Variants in ADAMTSL3 observed in about 807,000 individuals in gnomAD.
ADAMTSL3 encodes ADAMTS-like protein 3.
A neutral mutation model predicts 201.7 loss-of-function variants in ADAMTSL3; 128 were observed. The observed-to-expected ratio is 0.63, with a 90% CI of 0.55 to 0.73. The LOEUF (loss-of-function observed/expected upper bound fraction) is 0.73, where lower values mean the gene tolerates loss of function less well. ADAMTSL3 is among the 30% of genes least tolerant of loss of function. ADAMTSL3 has a pLI of 0.00. For missense variants in ADAMTSL3, 1,990 were observed against 2,119.6 expected (o/e 0.94, Z 1.20); for synonymous variants, 738 against 748.4 (o/e 0.99, Z 0.23).
At chr15:83,774,024 G>A (rs1032428199) in intron 4 of ADAMTSL3, among the ~76,000 whole-genome samples, 1 of 152,162 alleles carries the variant, frequency 6.6e-6, no homozygotes, top group African/African-American at 2.4e-5. Flanking sequence ...GCAACCCGTC[G>A]ATTAGGAACA....
At chr15:83,879,387 T>C (rs2065233173) in intron 9 of ADAMTSL3, among the ~76,000 whole-genome samples, 1 of 152,138 alleles carries the variant, frequency 6.6e-6, no homozygotes, top group Non-Finnish European at 1.5e-5. Context: ...TACATTTAAG[T>C]CTATAAATTT....
At chr15:83,972,733 A>G (rs1242717204) in intron 20 of ADAMTSL3, among the ~76,000 whole-genome samples, 1 of 152,208 alleles carries the variant, frequency 6.6e-6, no homozygotes, top group African/African-American at 2.4e-5. Context: ...GACAAGAGAC[A>G]GGAATGCATG....
At chr15:83,825,624 T>A (rs574463988) in intron 6 of ADAMTSL3, among the ~76,000 whole-genome samples, 1 of 152,036 alleles carries the variant, frequency 6.6e-6, no homozygotes, top group African/African-American at 2.4e-5. Flanking sequence ...TTCTAAAAAA[T>A]AAAAATATAA....
Position 83,851,593 on chromosome 15 carries a change from T to C in ADAMTSL3, c.728-7173T>C, listed in dbSNP as rs113598381. 7.6e-3 allele frequency among the ~76,000 whole-genome samples: 1,158 copies of C among 152,310 alleles called. 10 individuals are homozygous for C. Among genetic ancestry groups the C allele is most frequent in the African/African-American group, 0.026 (1,072 of 41,566 alleles). On this transcript the variant is annotated intron_variant, in intron 7 of 29. Transcript: ENST00000286744. ...TAATTTATATGTATTTTCAAAACAATTTTTATTACATATATAATATGCTGT... is the reference window on the plus strand; with the variant it reads ...TAATTTATATGTATTTTCAAAACAACTTTTATTACATATATAATATGCTGT...
intron 7 of ADAMTSL3, among the ~76,000 whole-genome samples, chr15:83,848,617 G>C (rs2064549193): frequency 6.6e-6 from 1 of 152,160 alleles, no homozygotes; most frequent in Non-Finnish European, 1.5e-5. Flanking sequence ...AGCATCACTT[G>C]GTCTCATAGT....
chr15:83,719,597 T>C (rs1000511187), intron 3 of ADAMTSL3, among the ~76,000 whole-genome samples: 5 of 152,202 alleles, frequency 3.3e-5, no homozygotes, highest in African/African-American at 1.2e-4. Flanking sequence ...TTAAATGATG[T>C]TTTGTATAGT....
chr15:83,931,737 A>G (rs2066361730), intron 17 of ADAMTSL3, among the ~76,000 whole-genome samples: 1 of 152,212 alleles, frequency 6.6e-6, no homozygotes, highest in Non-Finnish European at 1.5e-5. Flanking sequence ...CTGGGCTAGG[A>G]AAGGAATGGA....
At chr15:83,959,394 A>G (rs756967682) in intron 19 of ADAMTSL3, among the ~76,000 whole-genome samples, 2 of 152,216 alleles carry the variant, frequency 1.3e-5, no homozygotes, top group Non-Finnish European at 2.9e-5. Flanking sequence ...GTGCCAACAG[A>G]GCAAGAATCC....
intron 4 of ADAMTSL3, among the ~76,000 whole-genome samples, chr15:83,798,823 AAC>A (rs1567152085): frequency 3.3e-5 from 5 of 149,850 alleles, no homozygotes; most frequent in Admixed American, 6.6e-5. Flanking sequence ...AAAAAAAAAA[AAC>A]AAAAAAAAAG....
rs1306689053 is a variant in ADAMTSL3, at chr15:83,654,794, G to A, written c.-34+518G>A. ...ACTCGGAAGGCTGGTGCGAGCAGGC[G>A]AGGGTGGCGCAGAGTCCCAGGGCCC... On this transcript the variant is annotated intron_variant, in intron 1 of 29. Transcript: ENST00000286744. This position sits in a 1 kb window ranked among gnomAD's most constrained non-coding sequence, Gnocchi z 5.3. Among the ~76,000 whole-genome samples the A allele has an allele frequency of 6.6e-6, 1 of 152,170 alleles. No individual in the cohort carries two copies. The highest frequency in any genetic ancestry group is 1.5e-5 in the Non-Finnish European group (1 of 68,024).
chr15:83,924,213 C>T (rs1403074043), intron 17 of ADAMTSL3, among the ~76,000 whole-genome samples, 180 bp downstream of exon 17: 1 of 152,256 alleles, frequency 6.6e-6, no homozygotes, highest in Non-Finnish European at 1.5e-5. Context: ...TGCTCAGATG[C>T]AGCCATGTTG....
intron 3 of ADAMTSL3, among the ~76,000 whole-genome samples, chr15:83,713,090 C>T (rs1200554868): frequency 6.6e-6 from 1 of 151,800 alleles, no homozygotes; most frequent in East Asian, 1.9e-4. Context: ...TCAGTGTCAT[C>T]CCTCACCTTC....
At chr15:83,905,621 A>G (rs906385059) in intron 15 of ADAMTSL3, among the ~76,000 whole-genome samples, 1 of 152,230 alleles carries the variant, frequency 6.6e-6, no homozygotes, top group Non-Finnish European at 1.5e-5. Context: ...AAGTGACATA[A>G]TCTCAATTAC....
At chr15:83,955,559 A>G (rs1241135267) in intron 19 of ADAMTSL3, among the ~76,000 whole-genome samples, 1 of 151,990 alleles carries the variant, frequency 6.6e-6, no homozygotes, top group African/African-American at 2.4e-5. Flanking sequence ...GTCTCATCCA[A>G]GGCCCATGGC....
In ADAMTSL3 at chr15:83,913,274, G is replaced by A. The variant is rs774736743; in HGVS notation, c.1883G>A (p.Ser628Asn). Residue 628 changes from serine to asparagine, a missense_variant, in exon 16 of 30, where the codon AGC becomes AAC. Physicochemically the swap from Ser to Asn is conservative, Grantham distance 46. Coordinates refer to ENST00000286744, the MANE Select transcript of ADAMTSL3 (RefSeq NM_207517.3). ...TGCCTCCTGGAAGCATGTGATGAGA[G>A]CCCGGCCTCCCGAGAGCTAGACATC... is the stretch of plus-strand genomic sequence containing the variant. Reference protein sequence around the residue: ...RPCLLEACDESPASRELDIPL... With the variant: ...RPCLLEACDENPASRELDIPL... 1.9e-6 allele frequency: 3 copies of A among 1,614,052 alleles called. No homozygotes were observed. The South Asian group carries it at 3.3e-5, about 18-fold the overall frequency.
At chr15:83,843,209 T>C (rs1265700317) in intron 7 of ADAMTSL3, among the ~76,000 whole-genome samples, 2 of 151,916 alleles carry the variant, frequency 1.3e-5, no homozygotes, top group Admixed American at 6.6e-5. Flanking sequence ...GATGCCTGTT[T>C]AGGACATTCC....
chr15:83,656,989 C>G (rs780244297), intron 2 of ADAMTSL3, among the ~76,000 whole-genome samples: 34 of 152,170 alleles, frequency 2.2e-4, no homozygotes, highest in Admixed American at 4.6e-4. Context: ...ACATCTTCTC[C>G]CCACTATCCC....
At chr15:83,813,635 C>T (rs1481514952) in intron 5 of ADAMTSL3, among the ~76,000 whole-genome samples, 1 of 152,128 alleles carries the variant, frequency 6.6e-6, no homozygotes, top group Admixed American at 6.5e-5. Flanking sequence ...TTCAGTGGCT[C>T]TCCTCAGGTT....
At chr15:83,756,624 A>T (rs541647614) in intron 3 of ADAMTSL3, among the ~76,000 whole-genome samples, 12 of 141,270 alleles carry the variant, frequency 8.5e-5, no homozygotes, top group African/African-American at 2.5e-4. Context: ...CTCATGTCCT[A>T]ACATTTCAAA....
Sources: gnomAD v4.1 joint callset for allele counts (sites outside exome capture counted in the v4.1 genomes callset) on GRCh38, gnomAD v4.1.1 for gene constraint, Gnocchi (gnomAD v3.1) non-coding constraint, MANE v1.5 for transcripts, NCBI Gene and HGNC (gene_info 2026-07-23, HGNC 2026-07-21) for gene names.